TJP1: variants seen among roughly 807,000 people sequenced by gnomAD.
The protein encoded by TJP1 is tight junction protein ZO-1.
Under a neutral mutation model 194.2 loss-of-function variants are expected in TJP1, and 43 were observed. That is an observed-to-expected ratio of 0.22 (90% CI 0.17 to 0.29). The LOEUF (loss-of-function observed/expected upper bound fraction) is 0.29, where lower values mean the gene tolerates loss of function less well. Among genes scored for constraint, TJP1 ranks in the 10% least tolerant of loss-of-function variants. TJP1 has a pLI of 1.00. For missense variants in TJP1, 1,971 were observed against 2,185.7 expected, an observed-to-expected ratio of 0.90 and a Z score of 1.96; for synonymous variants, 801 against 779.0, an observed-to-expected ratio of 1.03 and a Z score of -0.47.
chr15:29,784,226 T>C (rs1183232560), intron 2 of TJP1, among the ~76,000 whole-genome samples: 1 of 152,122 alleles, frequency 6.6e-6, no homozygotes, highest in African/African-American at 2.4e-5. Context: ...TCTGAGAATA[T>C]CAACTCAGGA....
intron 2 of TJP1, among the ~76,000 whole-genome samples, chr15:29,797,266 C>G (rs1346868960): frequency 6.6e-6 from 1 of 152,168 alleles, no homozygotes; most frequent in Admixed American, 6.5e-5. Flanking sequence ...TCTCCTGCCT[C>G]AGCCTCCCGA....
chr15:29,789,124 T>C (rs1410097969), intron 2 of TJP1, among the ~76,000 whole-genome samples: 1 of 152,204 alleles, frequency 6.6e-6, no homozygotes, highest in Non-Finnish European at 1.5e-5. Flanking sequence ...GTTTTTCTTT[T>C]TTTTTACAGT....
intron 2 of TJP1, among the ~76,000 whole-genome samples, chr15:29,865,118 GC>G (rs1340477791): frequency 6.6e-6 from 1 of 152,112 alleles, no homozygotes; most frequent in Non-Finnish European, 1.5e-5. Flanking sequence ...AACAGGATAA[GC>G]AATCCGTAAC....
intron 2 of TJP1, among the ~76,000 whole-genome samples, chr15:29,838,589 T>A (rs28759498): frequency 3.5e-5 from 5 of 142,900 alleles, no homozygotes; most frequent in Admixed American, 7.4e-5. Context: ...AGATTTCACC[T>A]GTTATACATG....
At chr15:29,911,448 A>C (rs1193374490) in intron 2 of TJP1, among the ~76,000 whole-genome samples, 1 of 152,196 alleles carries the variant, frequency 6.6e-6, no homozygotes, top group Non-Finnish European at 1.5e-5. Flanking sequence ...TTTATAAAGA[A>C]AACAGGTTTA....
intron 2 of TJP1, among the ~76,000 whole-genome samples, chr15:29,852,479 A>C (rs2051679301): frequency 6.6e-6 from 1 of 152,130 alleles, no homozygotes; most frequent in Non-Finnish European, 1.5e-5. Context: ...GGATGTGAAA[A>C]AATTGGATCA....
chr15:29,785,346 C>T (rs2047634475), intron 2 of TJP1, among the ~76,000 whole-genome samples: 1 of 152,166 alleles, frequency 6.6e-6, no homozygotes, highest in Non-Finnish European at 1.5e-5. Context: ...GGACACTAGC[C>T]ATGCCCATTC....
At chr15:29,844,288 C>T (rs186569193) in intron 2 of TJP1, among the ~76,000 whole-genome samples, 91 of 152,252 alleles carry the variant, frequency 6.0e-4, no homozygotes, top group African/African-American at 2.0e-3. Flanking sequence ...AGGCTGATCT[C>T]GAACACCTGA....
At chr15:29,752,605 TA>T (rs2045362543) in intron 8 of TJP1, among the ~76,000 whole-genome samples, 1 of 151,890 alleles carries the variant, frequency 6.6e-6, no homozygotes. Context: ...ACACTGAAAA[TA>T]AAACCTCACA....
intron 5 of TJP1, among the ~76,000 whole-genome samples, chr15:29,763,920 A>C (rs941584346): frequency 6.6e-6 from 1 of 152,216 alleles, no homozygotes; most frequent in Non-Finnish European, 1.5e-5. Flanking sequence ...TGGTCATTAC[A>C]TCACAGAAGG....
chr15:29,804,885 T>A (rs1329697023), intron 1 of TJP1, among the ~76,000 whole-genome samples: 2 of 152,096 alleles, frequency 1.3e-5, no homozygotes, highest in Non-Finnish European at 1.5e-5. Flanking sequence ...AAACAGGAAA[T>A]GAACTAGACC....
intron 2 of TJP1, among the ~76,000 whole-genome samples, chr15:29,895,154 T>A (rs778837505): frequency 2.0e-5 from 3 of 152,206 alleles, no homozygotes; most frequent in Non-Finnish European, 4.4e-5. Context: ...TTCACACCAA[T>A]CTCATCAAAG....
At chr15:29,771,604 G>C (rs988640915) in intron 4 of TJP1, among the ~76,000 whole-genome samples, 8 of 152,032 alleles carry the variant, frequency 5.3e-5, no homozygotes, top group Non-Finnish European at 8.8e-5. Flanking sequence ...AGGAGATCGA[G>C]ACCATCCTGG....
At chr15:29,947,373 C>T (rs1437440457) in intron 2 of TJP1, among the ~76,000 whole-genome samples, 1 of 152,158 alleles carries the variant, frequency 6.6e-6, no homozygotes, top group Non-Finnish European at 1.5e-5. Flanking sequence ...TTGAATTATG[C>T]AGACACCTCA....
intron 2 of TJP1, among the ~76,000 whole-genome samples, chr15:29,873,537 CA>C (rs2052597471): frequency 6.6e-6 from 1 of 152,190 alleles, no homozygotes; most frequent in African/African-American, 2.4e-5. Flanking sequence ...TGAATCAAAA[CA>C]GAAATGTTAA....
At chr15:29,916,609 C>T (rs4779461) in intron 2 of TJP1, among the ~76,000 whole-genome samples, 24,600 of 152,188 alleles carry the variant, frequency 0.16, 2,272 homozygotes, top group East Asian at 0.32. Context: ...GTTGCACAAA[C>T]ACAATTTCCT....
At chr15:29,914,863 T>TAC (rs10534109) in intron 2 of TJP1, among the ~76,000 whole-genome samples, 3 of 146,500 alleles carry the variant, frequency 2.0e-5, no homozygotes, top group South Asian at 2.2e-4. Context: ...CACACACACA[T>TAC]ACACACACAC....
Position 29,773,154 on chromosome 15 carries a change from C to CA in TJP1, c.209+78dup, listed in dbSNP as rs2046798986. The stretch of plus-strand genomic sequence containing the variant: ...TGTGAATATGACAAAATCACTAAGA[C>CA]AGTGTAAGACAGTACGCCAGTGCCT... On this transcript the variant is annotated intron_variant, in intron 3 of 27. Transcript: ENST00000614355. The CA allele has an allele frequency of 4.0e-6, 6 of 1,493,926 alleles. No homozygotes were observed. In the South Asian group the frequency reaches 8.1e-5, roughly 20 times the overall value. 92.5% of individuals were successfully genotyped at this position (1,493,926 alleles called of 1,614,324 possible). A position where few individuals can be genotyped will look rare whatever the true frequency, so the allele number is the denominator to read the frequency against.
At chr15:29,839,593 A>C (rs547429445) in intron 2 of TJP1, among the ~76,000 whole-genome samples, 1 of 152,260 alleles carries the variant, frequency 6.6e-6, no homozygotes, top group South Asian at 2.1e-4. Context: ...GTGAGCTATG[A>C]CTGTGACACT....
Sources: allele counts gnomAD v4.1 joint callset (sites outside exome capture counted in the v4.1 genomes callset), GRCh38; gene constraint gnomAD v4.1.1; transcripts MANE v1.5; gene names NCBI Gene and HGNC (gene_info 2026-07-23, HGNC 2026-07-21).